The following RELL1 variants were observed in gnomAD, a reference collection of about 807,000 sequenced individuals.
The protein encoded by RELL1 is RELT like 1.
In RELL1, 10 loss-of-function variants were observed where a neutral mutation model predicts 23.0. The ratio of observed to expected loss-of-function variants is 0.43; its 90% CI spans 0.27 to 0.74. The LOEUF is 0.74. Among genes scored for constraint, RELL1 ranks in the 30% least tolerant of loss-of-function variants. The pLI, the probability that RELL1 is intolerant of heterozygous loss-of-function variation, is 0.19. For missense variants in RELL1, 315 were observed against 364.4 expected (o/e 0.86, Z 1.10); for synonymous variants, 146 against 146.8 (o/e 0.99, Z 0.04).
intron 1 of RELL1, among the ~76,000 whole-genome samples, chr4:37,658,431 A>G (rs914036662): frequency 2.0e-5 from 3 of 152,258 alleles, no homozygotes; most frequent in African/African-American, 4.8e-5. Flanking sequence ...ACTATGGAGC[A>G]TGTATGAGCC....
At chr4:37,632,193 CAG>C (rs951182025) in intron 5 of RELL1, among the ~76,000 whole-genome samples, 16 of 145,154 alleles carry the variant, frequency 1.1e-4, no homozygotes, top group African/African-American at 2.5e-5. Context: ...GTTTTCGAGA[CAG>C]AGTTTCCCTC....
At position 37,620,769 on chromosome 4, in the gene RELL1, T is replaced by C. The variant is rs540165688; in HGVS notation, c.*4-7427A>G. Among the ~76,000 whole-genome samples, 103 of 152,366 alleles carry C rather than the reference T, an allele frequency of 6.8e-4. 1 individual carries two copies. Among genetic ancestry groups the C allele is most frequent in the Non-Finnish European group, 6.9e-4 (47 of 68,030 alleles). ...TATAGGTTATGTCTAACCTGGCCTC[T>C]ATGAGCTTCAAGAGAATCAAGAAAT... On this transcript the variant is annotated intron_variant, in intron 6 of 6. Transcript: ENST00000454158.
intron 6 of RELL1, among the ~76,000 whole-genome samples, chr4:37,596,740 T>TATA (rs60365735): frequency 7.1e-5 from 2 of 28,156 alleles, no homozygotes; most frequent in African/African-American, 3.4e-4. Context: ...ATATATATTT[T>TATA]TTTTTTTTTT....
At chr4:37,608,878 GC>G (rs1301348494), downstream of RELL1, among the ~76,000 whole-genome samples, 2 of 152,060 alleles carry the variant, frequency 1.3e-5, no homozygotes, top group Non-Finnish European at 2.9e-5. Context: ...CAATCAGCCC[GC>G]CTCAGCCTCC....
intron 1 of RELL1, among the ~76,000 whole-genome samples, chr4:37,677,443 C>T (rs1430875732): frequency 1.3e-5 from 2 of 152,244 alleles, no homozygotes; most frequent in Non-Finnish European, 2.9e-5. Flanking sequence ...TTCATTGAAA[C>T]ACTCATCAAA....
downstream of RELL1, chr4:37,590,115 C>G (rs140680879): frequency 4.2e-4 from 681 of 1,613,798 alleles, no homozygotes; most frequent in Admixed American, 7.2e-4. Flanking sequence ...TTCAAGTGCC[C>G]TCTCCTGGCT....
At chr4:37,638,615 G>T in intron 3 of RELL1, 111 bp from the exon 4 acceptor site, 1 of 806,978 alleles carries the variant, frequency 1.2e-6, no homozygotes, top group South Asian at 1.9e-5. Flanking sequence ...GTTCATAGAT[G>T]AAGTCCTGGG....
At chr4:37,675,468 C>G (rs1236688370) in intron 1 of RELL1, among the ~76,000 whole-genome samples, 3 of 152,186 alleles carry the variant, frequency 2.0e-5, no homozygotes, top group Admixed American at 6.5e-5. Flanking sequence ...CTGCTCCACA[C>G]AGTGGTTGCA....
intron 1 of RELL1, among the ~76,000 whole-genome samples, chr4:37,680,451 A>G (rs1722177795): frequency 1.3e-5 from 2 of 152,220 alleles, no homozygotes; most frequent in South Asian, 4.1e-4. Context: ...AGCAACTGAA[A>G]TCTCCCAAAT....
downstream of RELL1, among the ~76,000 whole-genome samples, chr4:37,605,791 A>G (rs145673598): frequency 2.2e-3 from 156 of 71,050 alleles, no homozygotes; most frequent in East Asian, 5.3e-3. Context: ...GAGAGAAAGA[A>G]AGAGAAAGAA....
chr4:37,623,774 G>T (rs1003919362), intron 6 of RELL1, among the ~76,000 whole-genome samples: 1 of 152,150 alleles, frequency 6.6e-6, no homozygotes, highest in Non-Finnish European at 1.5e-5. Context: ...ACCAAGCCAG[G>T]TGGCCTAATC....
downstream of RELL1, among the ~76,000 whole-genome samples, chr4:37,606,989 A>G (rs1051638580): frequency 6.6e-6 from 1 of 152,220 alleles, no homozygotes; most frequent in African/African-American, 2.4e-5. This position sits in a 1 kb window ranked among gnomAD's most constrained non-coding sequence, Gnocchi z 4.1. Context: ...GACATGATTC[A>G]ATGGGAAGGG....
At chr4:37,661,552 T>C (rs1166550371) in intron 1 of RELL1, among the ~76,000 whole-genome samples, 1 of 152,214 alleles carries the variant, frequency 6.6e-6, no homozygotes, top group Non-Finnish European at 1.5e-5. Flanking sequence ...AGTGCTAGGA[T>C]TACAGGCGTG....
chr4:37,630,361 T>G (rs1720081294), intron 6 of RELL1, among the ~76,000 whole-genome samples: 1 of 108,768 alleles, frequency 9.2e-6, no homozygotes, highest in Admixed American at 9.3e-5. Flanking sequence ...GTGTGGTTTT[T>G]TTTTTTTTTT....
downstream of RELL1, chr4:37,590,728 G>T: frequency 6.2e-7 from 1 of 1,614,170 alleles, no homozygotes; most frequent in Non-Finnish European, 8.5e-7. Flanking sequence ...GCCCCCAGTG[G>T]GGGAGCATGG....
At chr4:37,661,813 G>A (rs1208527377) in intron 1 of RELL1, among the ~76,000 whole-genome samples, 1 of 152,158 alleles carries the variant, frequency 6.6e-6, no homozygotes, top group Non-Finnish European at 1.5e-5. Context: ...AACAGAATTG[G>A]AGAACACTGT....
rs535638130 is a variant in RELL1 at position 37,590,934 on chromosome 4, G to A, written c.*287C>T. The A allele has an allele frequency of 6.5e-5, 105 of 1,614,188 alleles. 1 individual carries two copies. The highest frequency in any genetic ancestry group is 2.4e-4 in the South Asian group (22 of 91,078). On this transcript the variant is annotated 3_prime_UTR_variant, in exon 7 of 7. Coordinates refer to the RELL1 transcript ENST00000314117. ...GGGAGATTGTGGACGAGGATGCAGC[G>A]GTGGCGGAGGCCCTTGCAGCTTTAG... is the stretch of plus-strand genomic sequence containing the variant.
intron 1 of RELL1, among the ~76,000 whole-genome samples, chr4:37,683,167 A>T (rs540109925): frequency 1.2e-4 from 19 of 152,312 alleles, no homozygotes; most frequent in Non-Finnish European, 2.1e-4. Context: ...GACGTTCTAA[A>T]CTATCTTAGA....
intron 6 of RELL1, chr4:37,623,607 A>G (rs913294467): frequency 6.6e-6 from 1 of 152,344 alleles, no homozygotes; most frequent in African/African-American, 2.4e-5. Context: ...GGCCGGTTCT[A>G]CCTACCTAGG....
Sources: gnomAD v4.1 joint callset for allele counts (sites outside exome capture counted in the v4.1 genomes callset) on GRCh38, gnomAD v4.1.1 for gene constraint, Gnocchi (gnomAD v3.1) non-coding constraint, MANE v1.5 for transcripts, NCBI Gene and HGNC (gene_info 2026-07-23, HGNC 2026-07-21) for gene names.